Variants in GALNTL6 observed in about 807,000 individuals in gnomAD.
GALNTL6 encodes polypeptide N-acetylgalactosaminyltransferase like 6.
GALNTL6 carries 46 observed loss-of-function variants against 73.7 expected under a neutral mutation model. The observed-to-expected ratio is 0.62, with a 90% CI of 0.49 to 0.80. The LOEUF (loss-of-function observed/expected upper bound fraction) is 0.80, where lower values mean the gene tolerates loss of function less well. GALNTL6 is among the 30% of genes least tolerant of loss of function. GALNTL6 has a pLI of 0.00. For missense variants in GALNTL6, 604 were observed against 755.0 expected, an observed-to-expected ratio of 0.80 and a Z score of 2.34; for synonymous variants, 259 against 263.7, an observed-to-expected ratio of 0.98 and a Z score of 0.17.
At chr4:172,692,492 CAG>C (rs1733370457) in intron 5 of GALNTL6, among the ~76,000 whole-genome samples, 1 of 151,984 alleles carries the variant, frequency 6.6e-6, no homozygotes, top group African/African-American at 2.4e-5. Flanking sequence ...TTTTTGGACT[CAG>C]ATACTTTTAT....
chr4:172,678,837 A>G (rs1404580039), intron 5 of GALNTL6, among the ~76,000 whole-genome samples: 1 of 152,104 alleles, frequency 6.6e-6, no homozygotes, highest in African/African-American at 2.4e-5. Flanking sequence ...TTCTCCCACC[A>G]ATGTTGAAAA....
intron 2 of GALNTL6, among the ~76,000 whole-genome samples, chr4:171,822,774 G>T (rs770047742): frequency 5.9e-5 from 9 of 152,086 alleles, no homozygotes; most frequent in Non-Finnish European, 1.2e-4. Context: ...AATTAACTTC[G>T]AATCTATTAG....
At chr4:172,199,845 A>G (rs1011339519) in intron 2 of GALNTL6, among the ~76,000 whole-genome samples, 14 of 152,176 alleles carry the variant, frequency 9.2e-5, no homozygotes, top group African/African-American at 2.7e-4. Context: ...GATTGTTGAC[A>G]TACTCTAGAA....
intron 5 of GALNTL6, among the ~76,000 whole-genome samples, chr4:172,513,854 G>A (rs536412749): frequency 2.0e-5 from 3 of 152,278 alleles, no homozygotes; most frequent in African/African-American, 7.2e-5. Flanking sequence ...CTTGACTTTC[G>A]TTTTGTTTAG....
intron 5 of GALNTL6, among the ~76,000 whole-genome samples, chr4:172,592,675 T>TCTATCTAC (rs1737689188): frequency 7.1e-6 from 1 of 141,816 alleles, no homozygotes; most frequent in Non-Finnish European, 1.5e-5. Context: ...TGTCTGTCTA[T>TCTATCTAC]CTATCTATCT....
At chr4:172,350,766 T>A (rs947578302) in intron 5 of GALNTL6, among the ~76,000 whole-genome samples, 1 of 152,130 alleles carries the variant, frequency 6.6e-6, no homozygotes, top group African/African-American at 2.4e-5. Flanking sequence ...TTTTTCCAAA[T>A]TTTTGCTTTG....
intron 5 of GALNTL6, among the ~76,000 whole-genome samples, chr4:172,405,109 A>G (rs1475347853): frequency 6.6e-6 from 1 of 151,918 alleles, no homozygotes; most frequent in African/African-American, 2.4e-5. Flanking sequence ...TTTTTAGAGC[A>G]AAATGAAATG....
At chr4:171,952,373 C>T (rs1738911053) in intron 2 of GALNTL6, among the ~76,000 whole-genome samples, 1 of 151,842 alleles carries the variant, frequency 6.6e-6, no homozygotes. Context: ...AGTACTTCTC[C>T]TTCTTATTCA....
chr4:172,725,936 A>C (rs1230352393), intron 5 of GALNTL6, among the ~76,000 whole-genome samples: 3 of 152,256 alleles, frequency 2.0e-5, no homozygotes, highest in Non-Finnish European at 2.9e-5. Flanking sequence ...AAATTATAAA[A>C]TGTATGAAGC....
chr4:172,035,808 G>A (rs939501625), intron 2 of GALNTL6, among the ~76,000 whole-genome samples: 1 of 152,116 alleles, frequency 6.6e-6, no homozygotes, highest in Non-Finnish European at 1.5e-5. Context: ...AGATGGCTTT[G>A]ACAGTTGTCA....
At chr4:172,467,085 A>G (rs1438581358) in intron 5 of GALNTL6, among the ~76,000 whole-genome samples, 1 of 152,228 alleles carries the variant, frequency 6.6e-6, no homozygotes, top group Non-Finnish European at 1.5e-5. Context: ...CTCTTAGGGC[A>G]TAGAAACTCA....
At chr4:172,161,961 T>C (rs985664980) in intron 2 of GALNTL6, among the ~76,000 whole-genome samples, 1 of 151,852 alleles carries the variant, frequency 6.6e-6, no homozygotes, top group African/African-American at 2.4e-5. Flanking sequence ...AGATAAGTGG[T>C]AAAAGTGAAG....
At chr4:172,719,393 A>G (rs1412667333) in intron 5 of GALNTL6, among the ~76,000 whole-genome samples, 1 of 152,230 alleles carries the variant, frequency 6.6e-6, no homozygotes, top group Non-Finnish European at 1.5e-5. Context: ...TGTCATTTGT[A>G]AAATGGAGAA....
chr4:172,381,999 C>T (rs531506713), intron 5 of GALNTL6, among the ~76,000 whole-genome samples: 3 of 152,258 alleles, frequency 2.0e-5, no homozygotes, highest in Admixed American at 6.5e-5. Context: ...GATGGAGTTT[C>T]GCTCTTGTTG....
chr4:172,959,451 C>G (rs1749928731), intron 10 of GALNTL6, among the ~76,000 whole-genome samples: 1 of 151,986 alleles, frequency 6.6e-6, no homozygotes, highest in Non-Finnish European at 1.5e-5. Context: ...GCCTGGCCGT[C>G]AATACCTACA....
At chr4:172,785,935 A>G (rs1025652589) in intron 5 of GALNTL6, among the ~76,000 whole-genome samples, 2 of 152,270 alleles carry the variant, frequency 1.3e-5, no homozygotes, top group African/African-American at 2.4e-5. Context: ...ATTAGTTCCA[A>G]TCCATTAAGA....
intron 2 of GALNTL6, among the ~76,000 whole-genome samples, chr4:171,918,843 C>T (rs1265988941): frequency 6.6e-6 from 1 of 152,072 alleles, no homozygotes; most frequent in East Asian, 1.9e-4. Context: ...TGAGACATGA[C>T]AGTTGAAACT....
intron 5 of GALNTL6, among the ~76,000 whole-genome samples, chr4:172,700,775 C>G (rs1733981813): frequency 6.6e-6 from 1 of 152,146 alleles, no homozygotes. Context: ...GTTGCAAAGG[C>G]ATACAAAACA....
chr4:172,580,271 T>G (rs74450226), intron 5 of GALNTL6, among the ~76,000 whole-genome samples: 4,671 of 152,180 alleles, frequency 0.031, 110 homozygotes, highest in African/African-American at 0.064. Context: ...ATTCAGCACA[T>G]GAAGCAAATA....
Sources: allele counts gnomAD v4.1 joint callset (sites outside exome capture counted in the v4.1 genomes callset), GRCh38; gene constraint gnomAD v4.1.1; transcripts MANE v1.5; gene names NCBI Gene and HGNC (gene_info 2026-07-23, HGNC 2026-07-21).